GSE1: variants seen among roughly 807,000 people sequenced by gnomAD.
GSE1 encodes genetic suppressor element 1.
GSE1 carries 32 observed loss-of-function variants against 112.6 expected under a neutral mutation model. That is an observed-to-expected ratio of 0.28 (90% CI 0.21 to 0.38). GSE1 has a LOEUF of 0.38. Among genes scored for constraint, GSE1 ranks in the 10% least tolerant of loss-of-function variants. The pLI, the probability that GSE1 is intolerant of heterozygous loss-of-function variation, is 1.00. For missense variants in GSE1, 2,348 were observed against 1,699.2 expected (o/e 1.38, Z -6.71); for synonymous variants, 1,115 against 735.6 (o/e 1.52, Z -8.35).
intron 13 of GSE1, 92 bp from the exon 14 acceptor site, chr16:85,668,046 ACT>A: frequency 2.1e-6 from 2 of 937,556 alleles, no homozygotes; most frequent in Admixed American, 2.3e-5. Flanking sequence ...AGTCATGTTG[ACT>A]CTGCACCAAG....
chr16:85,610,224 C>T (rs992091375), upstream of GSE1, among the ~76,000 whole-genome samples: 1 of 152,244 alleles, frequency 6.6e-6, no homozygotes, highest in Non-Finnish European at 1.5e-5. Context: ...TGCAGCATCC[C>T]CAGGGCAGGT....
rs150183958 is a variant in GSE1, at chr16:85,538,518, C to T, written c.2465-95396C>T. 2.9e-3 allele frequency among the ~76,000 whole-genome samples: 448 copies of T among 152,314 alleles called. 2 individuals carry two copies. Among genetic ancestry groups the T allele is most frequent in the African/African-American group, 0.01 (416 of 41,564 alleles). ...CCGTCTTGTCGCCGGCCCCATGCGT[C>T]CTTTCTTTTCTCTGACGGTGCTTGT... On this transcript the variant is annotated intron_variant, in intron 2 of 2. Transcript: ENST00000637419.
chr16:85,663,760 C>A (rs746786056), intron 11 of GSE1, 146 bp downstream of exon 11: 1 of 792,420 alleles, frequency 1.3e-6, no homozygotes, highest in Non-Finnish European at 2.0e-6. Context: ...CTCCCGGGAA[C>A]AGCCTCTCTG....
upstream of GSE1, among the ~76,000 whole-genome samples, chr16:85,553,162 G>C (rs541853897): frequency 6.7e-6 from 1 of 149,688 alleles, no homozygotes; most frequent in African/African-American, 2.4e-5. Context: ...CAGGGGCACA[G>C]ATCATGCAGC....
chr16:85,267,190 T>C (rs1045379906), intron 1 of GSE1, among the ~76,000 whole-genome samples: 1 of 152,004 alleles, frequency 6.6e-6, no homozygotes, highest in Admixed American at 6.5e-5. Context: ...CCCCTGAGAC[T>C]CCCGCCCCTC....
chr16:85,399,825 G>C (rs2048054393), intron 2 of GSE1, among the ~76,000 whole-genome samples: 1 of 152,244 alleles, frequency 6.6e-6, no homozygotes, highest in Non-Finnish European at 1.5e-5. Context: ...CAGGTGGTGA[G>C]TGTTCCGTGA....
upstream of GSE1, among the ~76,000 whole-genome samples, chr16:85,552,328 CTTT>C (rs1195413161): frequency 6.1e-4 from 29 of 47,752 alleles, 1 homozygote; most frequent in African/African-American, 1.8e-3. Context: ...CCCGCCCCTC[CTTT>C]TTTTTTTTTT....
At chr16:85,623,710 A>G (rs1167867977) in intron 1 of GSE1, among the ~76,000 whole-genome samples, 1 of 152,024 alleles carries the variant, frequency 6.6e-6, no homozygotes, top group African/African-American at 2.4e-5. Context: ...GCCCTGTTGG[A>G]GGGAAGGGAC....
chr16:85,498,756 C>T (rs535098596), intron 2 of GSE1, among the ~76,000 whole-genome samples: 29 of 152,338 alleles, frequency 1.9e-4, no homozygotes, highest in African/African-American at 5.1e-4. Context: ...TCACCTTCTT[C>T]GGCTTGGGCA....
intron 1 of GSE1, among the ~76,000 whole-genome samples, chr16:85,333,795 C>A (rs1211977142): frequency 6.6e-6 from 1 of 152,058 alleles, no homozygotes; most frequent in Non-Finnish European, 1.5e-5. Context: ...CCCATTGGGC[C>A]ACTTCCCTCA....
intron 2 of GSE1, among the ~76,000 whole-genome samples, chr16:85,507,276 G>A (rs1286857961): frequency 1.3e-5 from 2 of 152,126 alleles, no homozygotes; most frequent in Non-Finnish European, 2.9e-5. Context: ...CTCCGTCCTC[G>A]GCATTCTGCT....
intron 1 of GSE1, among the ~76,000 whole-genome samples, chr16:85,618,084 C>T (rs891759559): frequency 9.2e-5 from 14 of 152,082 alleles, no homozygotes; most frequent in Non-Finnish European, 1.9e-4. Context: ...TGGGTGGATT[C>T]GTGTTCACCT....
At chr16:85,376,963 A>G (rs867615664) in intron 2 of GSE1, among the ~76,000 whole-genome samples, 1 of 152,274 alleles carries the variant, frequency 6.6e-6, no homozygotes, top group South Asian at 2.1e-4. Flanking sequence ...CACGCTGTGC[A>G]GTCGCGGGTG....
chr16:85,591,576 G>GC (rs920098514), intron 1 of GSE1, among the ~76,000 whole-genome samples: 1 of 152,216 alleles, frequency 6.6e-6, no homozygotes, highest in African/African-American at 2.4e-5. Context: ...TGTCGGCAGT[G>GC]CCCCCCGTGG....
chr16:85,362,960 C>T (rs1293071410), intron 2 of GSE1, among the ~76,000 whole-genome samples: 2 of 151,782 alleles, frequency 1.3e-5, no homozygotes, highest in Non-Finnish European at 2.9e-5. Context: ...CTCAGCCTCC[C>T]GAGTAGCTGG....
chr16:85,233,790 C>T (rs1298008325), intron 1 of GSE1, among the ~76,000 whole-genome samples: 7 of 152,208 alleles, frequency 4.6e-5, no homozygotes, highest in Non-Finnish European at 5.9e-5. Context: ...ACTTTGCTGG[C>T]CTCCTGGCTG....
intron 2 of GSE1, among the ~76,000 whole-genome samples, chr16:85,501,480 A>C (rs1046056702): frequency 6.9e-5 from 10 of 145,594 alleles, no homozygotes; most frequent in Non-Finnish European, 1.4e-4. Context: ...TGCAGCTTCA[A>C]CTCCTGGGTT....
At chr16:85,375,517 C>T (rs773170242) in intron 2 of GSE1, among the ~76,000 whole-genome samples, 2 of 152,240 alleles carry the variant, frequency 1.3e-5, no homozygotes, top group African/African-American at 2.4e-5. Flanking sequence ...GGGTGCAGGG[C>T]AGCCGGATGC....
intron 1 of GSE1, chr16:85,556,412 C>G (rs972080666): frequency 7.7e-6 from 7 of 906,948 alleles, no homozygotes; most frequent in African/African-American, 7.2e-5. Context: ...CCGGCGCGCC[C>G]GGGACCCTCC....
Sources: gnomAD v4.1 joint callset for allele counts (sites outside exome capture counted in the v4.1 genomes callset) on GRCh38, gnomAD v4.1.1 for gene constraint, MANE v1.5 for transcripts, NCBI Gene and HGNC (gene_info 2026-07-23, HGNC 2026-07-21) for gene names.